The following TIAM1 variants were observed in gnomAD, a reference collection of about 807,000 sequenced individuals.
The protein encoded by TIAM1 is TIAM Rac1 associated GEF 1, also known as rho guanine nucleotide exchange factor TIAM1.
In TIAM1, 65 loss-of-function variants were observed where a neutral mutation model predicts 163.5. That is an observed-to-expected ratio of 0.40 (90% CI 0.33 to 0.49). TIAM1 has a LOEUF of 0.49. TIAM1 is among the 20% of genes least tolerant of loss of function. The probability of loss-of-function intolerance (pLI) is 0.77; values close to 1 mark genes in which losing one functional copy is unlikely to be tolerated. For missense variants in TIAM1, 1,789 were observed against 2,044.7 expected, an observed-to-expected ratio of 0.87 and a Z score of 2.41; for synonymous variants, 833 against 810.1, an observed-to-expected ratio of 1.03 and a Z score of -0.48.
chr21:31,355,167 C>A (rs559463939), intron 2 of TIAM1, among the ~76,000 whole-genome samples: 35 of 145,642 alleles, frequency 2.4e-4, no homozygotes, highest in African/African-American at 8.2e-4. Context: ...ACTGTTCCCC[C>A]ACCACCAAAA....
chr21:31,276,186 C>T (rs937645015), intron 3 of TIAM1, among the ~76,000 whole-genome samples: 1 of 151,966 alleles, frequency 6.6e-6, no homozygotes, highest in Admixed American at 6.6e-5. Context: ...TAAATTGAGA[C>T]GAAGTTCTGA....
rs73902329 is a variant in TIAM1, at chr21:31,401,677, C to T, written c.-368-62255G>A. Among the ~76,000 whole-genome samples the T allele has an allele frequency of 9.7e-3, 1,474 of 152,198 alleles. 23 individuals are homozygous for T. The highest frequency in any genetic ancestry group is 0.034 in the African/African-American group (1,412 of 41,512). On this transcript the variant is annotated intron_variant, in intron 2 of 28. Transcript: ENST00000286827. ...TGGGCTCATGCCTGTAATCCCAGCA[C>T]TTTGAAAGGCTGAGGCTAAAGGATC...
intron 25 of TIAM1, among the ~76,000 whole-genome samples, chr21:31,127,830 T>G (rs1392274355): frequency 6.6e-6 from 1 of 152,142 alleles, no homozygotes; most frequent in African/African-American, 2.4e-5. Flanking sequence ...CTATGCAGAT[T>G]TCATCCGGCC....
chr21:31,549,140 A>C (rs1034015755), intron 1 of TIAM1, among the ~76,000 whole-genome samples: 1 of 152,224 alleles, frequency 6.6e-6, no homozygotes, highest in African/African-American at 2.4e-5. Context: ...TTAAGTAAAC[A>C]AAGTTTTGCT....
chr21:31,122,787 AGTAT>A (rs2082051492), intron 27 of TIAM1, among the ~76,000 whole-genome samples: 2 of 152,224 alleles, frequency 1.3e-5, no homozygotes, highest in African/African-American at 4.8e-5. Context: ...ATGAAGCATG[AGTAT>A]CTGTTCCTAG....
At chr21:31,467,736 T>C (rs2045583189) in intron 1 of TIAM1, among the ~76,000 whole-genome samples, 1 of 152,014 alleles carries the variant, frequency 6.6e-6, no homozygotes, top group Non-Finnish European at 1.5e-5. Flanking sequence ...TGTGGGAGGA[T>C]TGCTCGAGTC....
Position 31,266,578 on chromosome 21 carries a change from C to T in TIAM1, c.395G>A (p.Ser132Asn), listed in dbSNP as rs2072784514. 6.2e-7 allele frequency: 1 copy of T among 1,614,248 alleles called. No individual in the cohort carries two copies. The highest frequency in any genetic ancestry group is 1.1e-5 in the South Asian group (1 of 91,084). The stretch of plus-strand genomic sequence containing the variant: ...TGTAGCGTCATCCCCGTAAAGCCTG[C>T]TCTCCTCAGTGTCTGGCATGCTCTG... ...SVQSMPDTEESRLYGDDATYL... is the reference protein window; with the variant it reads ...SVQSMPDTEENRLYGDDATYL... Residue 132 changes from serine to asparagine, a missense_variant, in exon 4 of 28, where the codon AGC becomes AAC. Around this residue, in one of 5 missense-constraint regions of TIAM1, gnomAD observed 555 missense variants for 564.9 expected, o/e 0.98. Transcript: ENST00000541036.
At chr21:31,418,274 G>A (rs368836915) in intron 2 of TIAM1, among the ~76,000 whole-genome samples, 144 of 149,148 alleles carry the variant, frequency 9.7e-4, no homozygotes, top group African/African-American at 3.1e-3. Flanking sequence ...CCCGGCAGGC[G>A]GAAGTTGAGG....
intron 6 of TIAM1, among the ~76,000 whole-genome samples, chr21:31,228,630 G>A (rs1461929590): frequency 6.6e-6 from 1 of 152,176 alleles, no homozygotes; most frequent in African/African-American, 2.4e-5. Flanking sequence ...TATAACTATA[G>A]ATTAACACAT....
intron 8 of TIAM1, 104 bp downstream of exon 8, chr21:31,223,302 C>T: frequency 1.5e-6 from 2 of 1,291,656 alleles, no homozygotes; most frequent in East Asian, 2.4e-5. Flanking sequence ...GAAATCCATA[C>T]ACAGCAGGAA....
intron 1 of TIAM1, among the ~76,000 whole-genome samples, chr21:31,523,661 C>A (rs2147501061): frequency 6.6e-6 from 1 of 152,256 alleles, no homozygotes; most frequent in South Asian, 2.1e-4. Flanking sequence ...AGATGGCTCA[C>A]CCCTGTGATC....
intron 2 of TIAM1, among the ~76,000 whole-genome samples, chr21:31,450,920 C>T (rs2044812124): frequency 6.6e-6 from 1 of 152,150 alleles, no homozygotes; most frequent in African/African-American, 2.4e-5. Flanking sequence ...GGGAGCTACA[C>T]TTCAAGATGA....
chr21:31,196,330 C>T (rs77700368), intron 12 of TIAM1, among the ~76,000 whole-genome samples: 414 of 130,128 alleles, frequency 3.2e-3, no homozygotes, highest in Non-Finnish European at 4.9e-3. Flanking sequence ...TTTTTTTTTT[C>T]ACACGGAGTG....
At chr21:31,152,405 G>A (rs1395436518) in intron 19 of TIAM1, among the ~76,000 whole-genome samples, 4 of 152,196 alleles carry the variant, frequency 2.6e-5, no homozygotes, top group African/African-American at 9.6e-5. Context: ...AAAGGTCAAG[G>A]TTGGTACTTC....
chr21:31,456,480 C>T (rs1379180603), intron 2 of TIAM1, among the ~76,000 whole-genome samples: 1 of 152,220 alleles, frequency 6.6e-6, no homozygotes, highest in Non-Finnish European at 1.5e-5. Flanking sequence ...AACTGGGAAA[C>T]GTCTGCTGCA....
intron 2 of TIAM1, among the ~76,000 whole-genome samples, chr21:31,387,695 C>T (rs1356361811): frequency 6.6e-6 from 1 of 152,150 alleles, no homozygotes; most frequent in African/African-American, 2.4e-5. Flanking sequence ...AGGGTGCCAG[C>T]CCCAGTGGTG....
chr21:31,420,308 T>C (rs182825207), intron 2 of TIAM1, among the ~76,000 whole-genome samples: 2 of 152,178 alleles, frequency 1.3e-5, no homozygotes, highest in African/African-American at 2.4e-5. Context: ...TCAGCCTCCA[T>C]GTCTGTAAAA....
At chr21:31,387,670 G>A (rs845684) in intron 2 of TIAM1, among the ~76,000 whole-genome samples, 22,250 of 152,068 alleles carry the variant, frequency 0.15, 1,706 homozygotes, top group Non-Finnish European at 0.17. Context: ...GGCTGCGGAC[G>A]CTGGTCCAAG....
chr21:31,373,934 T>C (rs542957241), intron 2 of TIAM1, among the ~76,000 whole-genome samples: 1 of 151,864 alleles, frequency 6.6e-6, no homozygotes, highest in African/African-American at 2.4e-5. Flanking sequence ...AACAGCTCCC[T>C]CTGGAAGCAG....
Sources: allele counts gnomAD v4.1 joint callset (sites outside exome capture counted in the v4.1 genomes callset), GRCh38; gene constraint gnomAD v4.1.1; regional missense constraint gnomAD v4.1.1; transcripts MANE v1.5; gene names NCBI Gene and HGNC (gene_info 2026-07-23, HGNC 2026-07-21).